ANKRD35: variants seen among roughly 807,000 people sequenced by gnomAD.
ANKRD35 encodes the protein ankyrin repeat domain-containing protein 35.
In ANKRD35, 102 loss-of-function variants were observed where a neutral mutation model predicts 109.9. The observed-to-expected ratio is 0.93, with a 90% CI of 0.79 to 1.09. ANKRD35 has a LOEUF of 1.09. Ranked by LOEUF, ANKRD35 falls within the 50% of genes least tolerant of loss-of-function variation. The probability of loss-of-function intolerance (pLI) is 0.00; values close to 1 mark genes in which losing one functional copy is unlikely to be tolerated. For synonymous variants in ANKRD35, 515 were observed against 512.4 expected (o/e 1.01, Z -0.07); for missense variants, 1,240 against 1,230.1 (o/e 1.01, Z -0.12).
intron 4 of ANKRD35, 37 bp from the exon 5 acceptor site, chr1:145,876,910 G>C (rs1299505108): frequency 6.2e-7 from 1 of 1,610,624 alleles, no homozygotes; most frequent in Non-Finnish European, 8.5e-7. Context: ...CATGGAGCTT[G>C]GTGTTAACAT....
At chr1:145,878,251 G>T in intron 3 of ANKRD35, 140 bp downstream of exon 3, 1 of 1,003,348 alleles carries the variant, frequency 1.0e-6, no homozygotes, top group Admixed American at 2.1e-5. Context: ...GGGAACTCCT[G>T]GAAGGATGCT....
At chr1:145,871,146 C>CTTTTTTTT (rs1553738531) in intron 10 of ANKRD35, among the ~76,000 whole-genome samples, 1 of 51,570 alleles carries the variant, frequency 1.9e-5, no homozygotes, top group Non-Finnish European at 4.2e-5. Flanking sequence ...TCTTTCTTTT[C>CTTTTTTTT]TTTTTTCTTT....
chr1:145,872,808 C>T lies in ANKRD35; in HGVS notation c.1961G>A (p.Arg654Gln). 1 of 1,613,896 alleles carries T rather than the reference C, an allele frequency of 6.2e-7. No homozygotes were observed. The highest frequency in any genetic ancestry group is 8.5e-7 in the Non-Finnish European group (1 of 1,179,914). The change falls in exon 10 of 14, where the codon CGG becomes CAG. Residue 654 changes from arginine to glutamine, a missense_variant. Physicochemically the swap from Arg to Gln is conservative, Grantham distance 43. Coordinates refer to ENST00000355594, the MANE Select transcript of ANKRD35 (RefSeq NM_144698.5). The stretch of plus-strand genomic sequence containing the variant: ...CGCCTGTGGCTTGGGCACAAACTCC[C>T]GCTGCAGCCGCTGGCTCAGGGACTG... ...ELQSLSQRLQ[R>Q]EFVPKPQAQV...
At chr1:145,885,351 C>A (rs1654438756) in intron 1 of ANKRD35, among the ~76,000 whole-genome samples, 1 of 151,852 alleles carries the variant, frequency 6.6e-6, no homozygotes, top group South Asian at 2.1e-4. Context: ...GAGCTTGAGG[C>A]CAGGCAGGGG....
Position 145,871,969 on chromosome 1 carries a change from C to A in ANKRD35, c.2787+13G>T. ...TTTCCCCAGTGCTCCCCAGGGCTAC[C>A]TCAGCTGCTCACCTTGGCTTCCTTG... On this transcript the variant is annotated intron_variant, in intron 10 of 13. Coordinates refer to ENST00000355594, the MANE Select transcript of ANKRD35 (RefSeq NM_144698.5). The A allele has an allele frequency of 6.2e-7, 1 of 1,608,058 alleles. No individual in the cohort carries two copies. Among genetic ancestry groups the A allele is most frequent in the East Asian group, 2.2e-5 (1 of 44,870 alleles).
chr1:145,876,043 C>T, intron 7 of ANKRD35, 97 bp downstream of exon 7: 1 of 1,096,274 alleles, frequency 9.1e-7, no homozygotes, highest in Non-Finnish European at 1.3e-6. Context: ...ACTTCTTCCC[C>T]AACACACACA....
chr1:145,877,867 G>A (rs1243751746), intron 4 of ANKRD35, 101 bp downstream of exon 4: 50 of 1,156,534 alleles, frequency 4.3e-5, no homozygotes, highest in South Asian at 4.1e-4. Context: ...GATGAGGCGA[G>A]TACATTTGGC....
chr1:145,873,666 C>A lies in ANKRD35; in HGVS notation c.1103G>T (p.Gly368Val). ...GTCCTTAGGACAACCCTGCTCCATG[C>A]CATCCCCTCCAGGCCGGAGACTAGA... ...QGSSLRPGGD[G>V]MEQGCPKDLL... The change falls in exon 10 of 14, where the codon GGC becomes GTC. Residue 368 changes from glycine (G) to valine (V), a missense_variant. Transcript: ENST00000355594. 1 of 1,614,148 alleles carries A rather than the reference C, an allele frequency of 6.2e-7. No homozygotes were observed. The highest frequency in any genetic ancestry group is 8.5e-7 in the Non-Finnish European group (1 of 1,180,036).
chr1:145,878,156 G>A (rs782239934), intron 3 of ANKRD35, 124 bp from the exon 4 acceptor site: 18 of 1,040,356 alleles, frequency 1.7e-5, no homozygotes, highest in Middle Eastern at 3.0e-4. Context: ...TCAGCCACAC[G>A]GGGCCAGAAA....
intron 1 of ANKRD35, among the ~76,000 whole-genome samples, chr1:145,885,199 G>A (rs1654431934): frequency 6.6e-6 from 1 of 152,156 alleles, no homozygotes; most frequent in South Asian, 2.1e-4. Context: ...TGTGAAAAAG[G>A]GTTAGCAGAA....
chr1:145,872,649 C>T lies in ANKRD35; in HGVS notation c.2120G>A (p.Cys707Tyr). The T allele has an allele frequency of 6.2e-7, 1 of 1,614,076 alleles. No homozygotes were observed. Among genetic ancestry groups the T allele is most frequent in the Non-Finnish European group, 8.5e-7 (1 of 1,179,978 alleles). Residue 707 changes from cysteine to tyrosine, a missense_variant, in exon 10 of 14, where the codon TGC becomes TAC. Cys to Tyr is a radical substitution (Grantham distance 194). Transcript: ENST00000355594. Reference protein sequence around the residue: ...QSSGLRGLWDCLPADLVGERS... With the variant: ...QSSGLRGLWDYLPADLVGERS... ...CTCGCCCACTAGGTCTGCGGGCAGGCAGTCCCACAGCCCTCGGAGACCGCT... is the reference window on the plus strand; with the variant it reads ...CTCGCCCACTAGGTCTGCGGGCAGGTAGTCCCACAGCCCTCGGAGACCGCT...
rs781816690 is a variant in ANKRD35 at position 145,873,662 on chromosome 1, C to T, written c.1107G>A (p.Met369Ile). The stretch of plus-strand genomic sequence containing the variant: ...GCAGGTCCTTAGGACAACCCTGCTC[C>T]ATGCCATCCCCTCCAGGCCGGAGAC... ...GSSLRPGGDG[M>I]EQGCPKDLLA... is the part of the protein sequence containing the mutation. Residue 369 changes from methionine to isoleucine, a missense_variant, in exon 10 of 14, where the codon ATG (methionine) becomes ATA (isoleucine). By Grantham distance (10) the Met-to-Ile change is conservative (BLOSUM62 1). Transcript: ENST00000355594. 1.2e-6 allele frequency: 2 copies of T among 1,614,132 alleles called. No homozygotes were observed. Among genetic ancestry groups the T allele is most frequent in the Non-Finnish European group, 1.7e-6 (2 of 1,180,014 alleles).
chr1:145,867,927 C>A (rs368519732), intron 12 of ANKRD35, 64 bp downstream of exon 12: 1 of 1,528,848 alleles, frequency 6.5e-7, no homozygotes, highest in Non-Finnish European at 9.1e-7. Flanking sequence ...GAGAGGGACC[C>A]TAAATGCAAT....
At chr1:145,880,713 C>T (rs1654254423) in intron 1 of ANKRD35, among the ~76,000 whole-genome samples, 1 of 152,170 alleles carries the variant, frequency 6.6e-6, no homozygotes, top group South Asian at 2.1e-4. Flanking sequence ...CATTTTCAAA[C>T]ACTGTTTACG....
In ANKRD35 at chr1:145,873,789, G is replaced by T; in HGVS notation, c.980C>A (p.Ala327Asp). ...GTTCTCAAGGTCCAGATAGGCTGCA[G>T]CTTGAGTCTTACACTCTTCTGTCTT... ...VQKTEECKTQ[A>D]AAYLDLENQI... The change falls in exon 10 of 14, where the codon GCT (alanine) becomes GAT (aspartate). Residue 327 changes from alanine (A) to aspartate (D), a missense_variant. Coordinates refer to ENST00000355594, the MANE Select transcript of ANKRD35 (RefSeq NM_144698.5). 6.2e-7 allele frequency: 1 copy of T among 1,609,738 alleles called. No homozygotes were observed. Among genetic ancestry groups the T allele is most frequent in the Non-Finnish European group, 8.5e-7 (1 of 1,177,838 alleles).
intron 9 of ANKRD35, 56 bp downstream of exon 9, chr1:145,874,099 A>G (rs187112492): frequency 6.2e-7 from 1 of 1,611,542 alleles, no homozygotes; most frequent in Admixed American, 1.7e-5. Context: ...GAATAGTCAC[A>G]GTGGGATAGC....
In ANKRD35 at chr1:145,876,202, T is replaced by C. The variant is rs143558847; in HGVS notation, c.498A>G (p.Ala166=). ...PLMIASLGGH[A]AICSQLLQRG... is the part of the protein sequence containing the mutation. ...GCTGCAGCAGCTGTGAGCAGATAGC[T>C]GCGTGCCCACCCAGCGATGCGATCA... The change falls in exon 7 of 14, where the codon GCA becomes GCG. Residue 166 remains alanine (A), a synonymous_variant. Coordinates refer to ENST00000355594, the MANE Select transcript of ANKRD35 (RefSeq NM_144698.5). 2.4e-5 allele frequency: 39 copies of C among 1,613,972 alleles called. No homozygotes were observed. The highest frequency in any genetic ancestry group is 5.3e-5 in the African/African-American group (4 of 74,928).
rs140498829 is a variant in ANKRD35, at chr1:145,883,600, G to A, written c.39+2120C>T. Among the ~76,000 whole-genome samples the A allele has an allele frequency of 5.6e-4, 86 of 152,348 alleles. 1 individual carries two copies. In the East Asian group the frequency reaches 0.014, roughly 25 times the overall value. On this transcript the variant is annotated intron_variant, in intron 1 of 13. Coordinates refer to ENST00000355594, the MANE Select transcript of ANKRD35 (RefSeq NM_144698.5). ...TCACTGCTTTTTCAGTCCTTACTCA[G>A]ACTGACAGTGCAGGGCTCTGGCCCT...
At position 145,876,479 on chromosome 1, in the gene ANKRD35, C is replaced by G; in HGVS notation, c.453+90G>C. ...GAAGAGAAGGGTGGTGCTAACACAGCCCTAGGTCGTGGAAGTTGGCCAGTC... is the reference window on the plus strand; with the variant it reads ...GAAGAGAAGGGTGGTGCTAACACAGGCCTAGGTCGTGGAAGTTGGCCAGTC... On this transcript the variant is annotated intron_variant, in intron 6 of 13. Coordinates refer to ENST00000355594, the MANE Select transcript of ANKRD35 (RefSeq NM_144698.5). 7 of 1,477,870 alleles carry G rather than the reference C, an allele frequency of 4.7e-6. No individual in the cohort carries two copies. In the South Asian group the frequency reaches 8.0e-5, roughly 17 times the overall value. The allele number at this position is 1,477,870 out of a possible 1,614,324, so 91.5% of individuals were successfully genotyped here. A position where few individuals can be genotyped will look rare whatever the true frequency, so the allele number is the denominator to read the frequency against.
Sources: allele counts gnomAD v4.1 joint callset (sites outside exome capture counted in the v4.1 genomes callset), GRCh38; gene constraint gnomAD v4.1.1; transcripts MANE v1.5; gene names NCBI Gene and HGNC (gene_info 2026-07-23, HGNC 2026-07-21).